RSPO4: variants seen among roughly 807,000 people sequenced by gnomAD.
RSPO4 encodes R-spondin-4.
A neutral mutation model predicts 24.8 loss-of-function variants in RSPO4; 23 were observed. The ratio of observed to expected loss-of-function variants is 0.93; its 90% confidence interval spans 0.67 to 1.31. The LOEUF (loss-of-function observed/expected upper bound fraction) is 1.31, where lower values mean the gene tolerates loss of function less well. RSPO4 is among the 40% of genes most tolerant of loss of function. The pLI is 0.00. For missense variants in RSPO4, 333 were observed against 316.5 expected (o/e 1.05, Z -0.39); for synonymous variants, 141 against 127.4 (o/e 1.11, Z -0.72).
rs1568905604 is a variant in RSPO4, at chr20:964,787, TACACATATATAC to T, written c.410-679_410-668del. On this transcript the variant is annotated intron_variant, in intron 3 of 4. Coordinates refer to ENST00000217260, the MANE Select transcript of RSPO4 (RefSeq NM_001029871.4). ...ATACACACACACACACATATATATA[TACACATATATAC>T]ACACATACACACACACACACACACA... Among the ~76,000 whole-genome samples the T allele has an allele frequency of 2.7e-3, 322 of 121,414 alleles. 4 individuals carry two copies. The highest frequency in any genetic ancestry group is 0.011 in the African/African-American group (284 of 25,740). 79.7% of individuals were successfully genotyped at this position (121,414 alleles called of 152,430 possible). A position where few individuals can be genotyped will look rare whatever the true frequency, so the allele number is the denominator to read the frequency against.
At chr20:966,133 G>A (rs1342833343) in intron 3 of RSPO4, among the ~76,000 whole-genome samples, 2 of 152,160 alleles carry the variant, frequency 1.3e-5, no homozygotes, top group African/African-American at 4.8e-5. Context: ...AGCTGCTCAG[G>A]GAGGCTGGAG....
chr20:967,280 C>G lies in RSPO4; in HGVS notation c.303G>C (p.Gln101His), dbSNP rs1277586528. 1 of 1,614,232 alleles carries G rather than the reference C, an allele frequency of 6.2e-7. No homozygotes were observed. The highest frequency in any genetic ancestry group is 8.5e-7 in the Non-Finnish European group (1 of 1,180,032). The change falls in exon 3 of 5, where the codon CAG becomes CAC. Residue 101 changes from glutamine to histidine, a missense_variant. By Grantham distance (24) the Gln-to-His change is conservative. Transcript: ENST00000217260. Reference protein sequence around the residue: ...CGATCESCFSQDFCIRCKRQF... With the variant: ...CGATCESCFSHDFCIRCKRQF... ...GCCTCTTGCACCGGATGCAGAAGTC[C>G]TGGCTGAAGCAGCTCTCACAAGTGG...
At chr20:984,493 G>A (rs948460858) in intron 1 of RSPO4, among the ~76,000 whole-genome samples, 3 of 152,180 alleles carry the variant, frequency 2.0e-5, no homozygotes, top group Non-Finnish European at 2.9e-5. Context: ...GTGTTCCTGG[G>A]AAAGCCCCAG....
chr20:993,797 CCTCT>C (rs2122270222), intron 1 of RSPO4, among the ~76,000 whole-genome samples: 1 of 152,252 alleles, frequency 6.6e-6, no homozygotes, highest in African/African-American at 2.4e-5. Context: ...AATGAATGTG[CCTCT>C]CTTTTAACTG....
chr20:963,355 A>T (rs1376188926), intron 4 of RSPO4, among the ~76,000 whole-genome samples: 2 of 152,140 alleles, frequency 1.3e-5, no homozygotes, highest in African/African-American at 4.8e-5. Context: ...GGGCACTGTG[A>T]GTGTGGTGTC....
At chr20:998,542 G>T (rs1600103229) in intron 1 of RSPO4, among the ~76,000 whole-genome samples, 1 of 152,176 alleles carries the variant, frequency 6.6e-6, no homozygotes, top group Non-Finnish European at 1.5e-5. Context: ...CCTGAGGAAG[G>T]ATGGGCCTGT....
intron 1 of RSPO4, among the ~76,000 whole-genome samples, chr20:996,019 T>C (rs552284130): frequency 6.6e-6 from 1 of 152,356 alleles, no homozygotes; most frequent in Admixed American, 6.5e-5. Flanking sequence ...TGCACTCTGA[T>C]ATATTCTAAA....
At chr20:965,653 G>C (rs1408913389) in intron 3 of RSPO4, among the ~76,000 whole-genome samples, 9 of 152,212 alleles carry the variant, frequency 5.9e-5, no homozygotes, top group African/African-American at 2.2e-4. Context: ...TGGGAAGAGG[G>C]CGGCACAGAG....
intron 1 of RSPO4, among the ~76,000 whole-genome samples, chr20:969,632 T>C (rs1984346711): frequency 6.6e-6 from 1 of 151,936 alleles, no homozygotes; most frequent in African/African-American, 2.4e-5. Flanking sequence ...GAGTTCTCAG[T>C]GGTAAGGGGC....
At chr20:967,452 G>T in intron 2 of RSPO4, 138 bp from the exon 3 acceptor site, 1 of 878,356 alleles carries the variant, frequency 1.1e-6, no homozygotes, top group Non-Finnish European at 1.9e-6. Flanking sequence ...CTCCTTTGAA[G>T]CCCAGACTTG....
intron 1 of RSPO4, among the ~76,000 whole-genome samples, chr20:998,544 T>C (rs1985366860): frequency 6.6e-6 from 1 of 152,150 alleles, no homozygotes; most frequent in South Asian, 2.1e-4. Context: ...TGAGGAAGGA[T>C]GGGCCTGTGG....
At chr20:964,797 T>TATACACACACACAC (rs1984137501) in intron 3 of RSPO4, among the ~76,000 whole-genome samples, 2 of 101,090 alleles carry the variant, frequency 2.0e-5, no homozygotes, top group African/African-American at 7.9e-5. Flanking sequence ...TACACATATA[T>TATACACACACACAC]ACACACATAC....
rs1291748695 is a variant in RSPO4 at position 960,342 on chromosome 20, C to T, written c.*15G>A. ...GGGCCGAGGACTAGGACCAGAGAGT[C>T]GGGAGAGCCGGCGGTCAGGGCTGCA... On this transcript the variant is annotated 3_prime_UTR_variant, in exon 5 of 5. Coordinates refer to ENST00000217260, the MANE Select transcript of RSPO4 (RefSeq NM_001029871.4). The T allele has an allele frequency of 2.4e-5, 37 of 1,523,298 alleles. No homozygotes were observed. Among genetic ancestry groups the T allele is most frequent in the East Asian group, 1.2e-4 (5 of 40,830 alleles). 94.4% of individuals were successfully genotyped at this position (1,523,298 alleles called of 1,614,324 possible). A position where few individuals can be genotyped will look rare whatever the true frequency, so the allele number is the denominator to read the frequency against.
chr20:960,276 G>C lies in RSPO4; in HGVS notation c.*81C>G. 1 of 854,640 alleles carries C rather than the reference G, an allele frequency of 1.2e-6. No individual in the cohort carries two copies. Among genetic ancestry groups the C allele is most frequent in the Non-Finnish European group, 1.9e-6 (1 of 525,282 alleles). The allele number at this position is 854,640 out of a possible 1,614,324, so 52.9% of individuals were successfully genotyped here. On this transcript the variant is annotated 3_prime_UTR_variant, in exon 5 of 5. Coordinates refer to ENST00000217260, the MANE Select transcript of RSPO4 (RefSeq NM_001029871.4). ...AAATGGAGAAGACAGAGGAGAAAGA[G>C]TAAGAGGAGAGGAGGAGAAGGAGCA...
In RSPO4 at chr20:970,355, G is replaced by A. The variant is rs1274168005; in HGVS notation, c.80-2217C>T. ...TCCTCACCTTCTGTTCCTTAGATTC[G>A]GTGAGGCCCCACATCCTGCTGATAA... On this transcript the variant is annotated intron_variant, in intron 1 of 4. Coordinates refer to ENST00000217260, the MANE Select transcript of RSPO4 (RefSeq NM_001029871.4). This position sits in a 1 kb window ranked among gnomAD's most constrained non-coding sequence, Gnocchi z 4.1. Among the ~76,000 whole-genome samples, 1 of 151,968 alleles carries A rather than the reference G, an allele frequency of 6.6e-6. No homozygotes were observed. Among genetic ancestry groups the A allele is most frequent in the East Asian group, 1.9e-4 (1 of 5,190 alleles).
chr20:981,036 G>A lies in RSPO4; in HGVS notation c.80-12898C>T, dbSNP rs957904922. 2.0e-5 allele frequency among the ~76,000 whole-genome samples: 3 copies of A among 152,188 alleles called. No individual in the cohort carries two copies. The highest frequency in any genetic ancestry group is 6.5e-5 in the Admixed American group (1 of 15,282). On this transcript the variant is annotated intron_variant, in intron 1 of 4. Coordinates refer to ENST00000217260, the MANE Select transcript of RSPO4 (RefSeq NM_001029871.4). The surrounding 1 kb of genome is among the most constrained non-coding windows in gnomAD (Gnocchi z 4.6). Reference sequence around the variant, plus strand: ...GGCCCGAGAACTCACTTTAAGAAGCGAGGCGGGAGATGCTGTTATCATTCC... The same window carrying A: ...GGCCCGAGAACTCACTTTAAGAAGCAAGGCGGGAGATGCTGTTATCATTCC...
intron 1 of RSPO4, among the ~76,000 whole-genome samples, chr20:985,171 C>T (rs1466697892): frequency 6.7e-6 from 1 of 148,344 alleles, no homozygotes; most frequent in Non-Finnish European, 1.5e-5. Flanking sequence ...ACCCACCCAC[C>T]TACCCATCTG....
Position 970,971 on chromosome 20 carries a change from T to G in RSPO4, c.80-2833A>C, listed in dbSNP as rs986379870. Among the ~76,000 whole-genome samples, 1 of 152,150 alleles carries G rather than the reference T, an allele frequency of 6.6e-6. No individual in the cohort carries two copies. Among genetic ancestry groups the G allele is most frequent in the African/African-American group, 2.4e-5 (1 of 41,426 alleles). On this transcript the variant is annotated intron_variant, in intron 1 of 4. Transcript: ENST00000217260. The surrounding 1 kb of genome is among the most constrained non-coding windows in gnomAD (Gnocchi z 4.1). ...AATCCTCCTGCCTCAGCCTCCTAAGTAGCTGGGACTACAGGCATGTCCCAC... is the reference window on the plus strand; with the variant it reads ...AATCCTCCTGCCTCAGCCTCCTAAGGAGCTGGGACTACAGGCATGTCCCAC...
chr20:978,547 G>A (rs961652167), intron 1 of RSPO4, among the ~76,000 whole-genome samples: 8 of 152,118 alleles, frequency 5.3e-5, no homozygotes, highest in Non-Finnish European at 8.8e-5. Flanking sequence ...ATGCATGAAC[G>A]GTGGCTCAAT....
Sources: gnomAD v4.1 joint callset for allele counts (sites outside exome capture counted in the v4.1 genomes callset) on GRCh38, gnomAD v4.1.1 for gene constraint, Gnocchi (gnomAD v3.1) non-coding constraint, MANE v1.5 for transcripts, NCBI Gene and HGNC (gene_info 2026-07-23, HGNC 2026-07-21) for gene names.